Variants in OSBP2 observed in about 807,000 individuals in gnomAD.
The protein encoded by OSBP2 is oxysterol-binding protein 2.
In OSBP2, 66 loss-of-function variants were observed where a neutral mutation model predicts 96.0. The ratio of observed to expected loss-of-function variants is 0.69; its 90% confidence interval spans 0.56 to 0.84. The LOEUF (loss-of-function observed/expected upper bound fraction) is 0.84, where lower values mean the gene tolerates loss of function less well. Ranked by LOEUF, OSBP2 falls within the 40% of genes least tolerant of loss-of-function variation. The pLI is 0.00. For missense variants in OSBP2, 1,038 were observed against 1,222.7 expected, an observed-to-expected ratio of 0.85 and a Z score of 2.25; for synonymous variants, 525 against 520.9, an observed-to-expected ratio of 1.01 and a Z score of -0.11.
chr22:30,765,059 A>G, intron 2 of OSBP2, among the ~76,000 whole-genome samples: 1 of 151,882 alleles, frequency 6.6e-6, no homozygotes. Flanking sequence ...GTTTTAATTT[A>G]ATTTAAATTT....
intron 2 of OSBP2, among the ~76,000 whole-genome samples, chr22:30,793,245 C>T (rs1377312547): frequency 6.6e-6 from 1 of 151,542 alleles, no homozygotes. Context: ...CAAAAACTAG[C>T]CAGGTGTGGT....
At chr22:30,725,569 A>C (rs567253193) in intron 1 of OSBP2, among the ~76,000 whole-genome samples, 35 of 152,014 alleles carry the variant, frequency 2.3e-4, no homozygotes, top group South Asian at 8.3e-4. Context: ...CACAAAAAAA[A>C]CAAATTCTAG....
intron 2 of OSBP2, among the ~76,000 whole-genome samples, chr22:30,810,971 C>T (rs1461632408): frequency 6.6e-6 from 1 of 152,144 alleles, no homozygotes; most frequent in Non-Finnish European, 1.5e-5. Flanking sequence ...TTTGTTGAGA[C>T]ATTAATTTTA....
intron 2 of OSBP2, among the ~76,000 whole-genome samples, chr22:30,837,997 G>T (rs1569144659): frequency 6.6e-6 from 1 of 152,132 alleles, no homozygotes; most frequent in Non-Finnish European, 1.5e-5. Flanking sequence ...TATGTACATT[G>T]TCAAATTTAA....
chr22:30,716,726 C>A (rs1276718338), intron 1 of OSBP2, among the ~76,000 whole-genome samples: 3 of 152,190 alleles, frequency 2.0e-5, no homozygotes, highest in South Asian at 2.1e-4. Flanking sequence ...GTGTGAGCCA[C>A]CATGCCTAGC....
chr22:30,745,787 A>G (rs2089993048), intron 2 of OSBP2, among the ~76,000 whole-genome samples: 9 of 152,134 alleles, frequency 5.9e-5, no homozygotes, highest in Admixed American at 5.9e-4. Flanking sequence ...CGTAGTTGGT[A>G]AACCTTTAGC....
chr22:30,800,461 C>T (rs2090834004), intron 2 of OSBP2, among the ~76,000 whole-genome samples: 1 of 152,066 alleles, frequency 6.6e-6, no homozygotes, highest in South Asian at 2.1e-4. Flanking sequence ...CAGAGAACAC[C>T]TGAGAGAGCA....
chr22:30,854,252 G>A (rs1466644612), intron 2 of OSBP2, among the ~76,000 whole-genome samples: 3 of 151,056 alleles, frequency 2.0e-5, no homozygotes, highest in Non-Finnish European at 4.4e-5. Flanking sequence ...CATGATGGAT[G>A]TAACCCTACA....
chr22:30,737,476 C>T (rs2089873258), intron 1 of OSBP2, among the ~76,000 whole-genome samples: 1 of 150,448 alleles, frequency 6.6e-6, no homozygotes, highest in Non-Finnish European at 1.5e-5. Flanking sequence ...GCGCACACCA[C>T]CTCACTTGGC....
chr22:30,702,153 C>G (rs1001846006), intron 1 of OSBP2, among the ~76,000 whole-genome samples: 3 of 152,180 alleles, frequency 2.0e-5, no homozygotes, highest in African/African-American at 7.2e-5. Flanking sequence ...CTGTATATCT[C>G]CTCTAGCTCC....
At chr22:30,794,852 C>T (rs978930299) in intron 2 of OSBP2, among the ~76,000 whole-genome samples, 3 of 151,370 alleles carry the variant, frequency 2.0e-5, no homozygotes, top group Non-Finnish European at 4.4e-5. Flanking sequence ...TTTATTCATA[C>T]ATGTATACAT....
At chr22:30,887,708 T>C in intron 4 of OSBP2, 90 bp downstream of exon 4, 1 of 1,143,070 alleles carries the variant, frequency 8.7e-7, no homozygotes. Flanking sequence ...TGCACATCCC[T>C]GGCTGTGCCC....
At chr22:30,869,563 C>A (rs2039416778) in intron 2 of OSBP2, among the ~76,000 whole-genome samples, 1 of 152,208 alleles carries the variant, frequency 6.6e-6, no homozygotes, top group African/African-American at 2.4e-5. Context: ...GAAACAAGGT[C>A]TCATTCTGTT....
At chr22:30,771,352 G>T (rs959245844) in intron 2 of OSBP2, among the ~76,000 whole-genome samples, 2 of 152,220 alleles carry the variant, frequency 1.3e-5, no homozygotes, top group African/African-American at 4.8e-5. Flanking sequence ...GTTGCTGAGG[G>T]CACAGGCAGG....
chr22:30,829,921 G>A (rs1325371825), intron 2 of OSBP2, among the ~76,000 whole-genome samples: 2 of 152,184 alleles, frequency 1.3e-5, no homozygotes, highest in Admixed American at 6.5e-5. Flanking sequence ...GTGACCCGAC[G>A]GGGGCCAAAG....
intron 2 of OSBP2, among the ~76,000 whole-genome samples, chr22:30,828,219 G>A (rs1253546154): frequency 1.3e-5 from 2 of 152,226 alleles, no homozygotes; most frequent in East Asian, 3.8e-4. Context: ...GTGAAGAACA[G>A]TAAATGGTAA....
intron 1 of OSBP2, among the ~76,000 whole-genome samples, chr22:30,726,135 G>A (rs1214861888): frequency 6.6e-6 from 1 of 152,156 alleles, no homozygotes; most frequent in Admixed American, 6.5e-5. Context: ...GATGAAAGTT[G>A]TATTGATAGG....
intron 1 of OSBP2, among the ~76,000 whole-genome samples, chr22:30,735,751 C>A (rs765688602): frequency 7.2e-5 from 11 of 152,002 alleles, no homozygotes; most frequent in Non-Finnish European, 1.0e-4. Flanking sequence ...AGAGTCTCAT[C>A]TCACTCTGTT....
intron 3 of OSBP2, among the ~76,000 whole-genome samples, chr22:30,879,882 T>A (rs2039665253): frequency 6.6e-6 from 1 of 152,116 alleles, no homozygotes; most frequent in African/African-American, 2.4e-5. Flanking sequence ...TGAAACCCTG[T>A]CTCTACTAAA....
Sources: gnomAD v4.1 joint callset for allele counts (sites outside exome capture counted in the v4.1 genomes callset) on GRCh38, gnomAD v4.1.1 for gene constraint, MANE v1.5 for transcripts, NCBI Gene and HGNC (gene_info 2026-07-23, HGNC 2026-07-21) for gene names.